Variants in KCNH1 observed in about 807,000 individuals in gnomAD.
KCNH1 encodes the protein voltage-gated delayed rectifier potassium channel KCNH1.
Under a neutral mutation model 69.2 loss-of-function variants are expected in KCNH1, and 27 were observed. The ratio of observed to expected loss-of-function variants is 0.39; its 90% CI spans 0.29 to 0.54. The LOEUF (loss-of-function observed/expected upper bound fraction) is 0.54, where lower values mean the gene tolerates loss of function less well. KCNH1 is among the 20% of genes least tolerant of loss of function. KCNH1 has a pLI of 0.68. For missense variants in KCNH1, 798 were observed against 1,261.6 expected (o/e 0.63, Z 5.57); for synonymous variants, 456 against 487.7 (o/e 0.93, Z 0.86).
chr1:210,898,968 C>T (rs1437444382), intron 7 of KCNH1, among the ~76,000 whole-genome samples: 1 of 152,088 alleles, frequency 6.6e-6, no homozygotes, highest in Non-Finnish European at 1.5e-5. Flanking sequence ...TCTAACAGTG[C>T]CTTCCAGGGT....
intron 6 of KCNH1, among the ~76,000 whole-genome samples, chr1:210,938,108 A>C (rs1388101012): frequency 6.6e-6 from 1 of 152,304 alleles, no homozygotes; most frequent in African/African-American, 2.4e-5. Context: ...TCTATCTCCT[A>C]ACCCCTAACT....
chr1:211,037,422 A>G (rs1010628049), intron 5 of KCNH1, among the ~76,000 whole-genome samples: 5 of 150,260 alleles, frequency 3.3e-5, no homozygotes, highest in African/African-American at 1.2e-4. Context: ...AAGGTAAACT[A>G]TTTGTTCACA....
intron 7 of KCNH1, among the ~76,000 whole-genome samples, chr1:210,849,343 G>A (rs996404552): frequency 4.0e-5 from 6 of 148,998 alleles, no homozygotes; most frequent in East Asian, 2.0e-4. Context: ...CTTTTTTTGC[G>A]TGTGTGTGCT....
At chr1:210,704,849 G>A (rs1332885732) in intron 10 of KCNH1, among the ~76,000 whole-genome samples, 1 of 152,156 alleles carries the variant, frequency 6.6e-6, no homozygotes, top group East Asian at 1.9e-4. Flanking sequence ...AGAGCAACTG[G>A]TCAATACCAT....
intron 10 of KCNH1, among the ~76,000 whole-genome samples, chr1:210,694,536 C>A (rs1325476954): frequency 6.6e-6 from 1 of 152,188 alleles, no homozygotes; most frequent in African/African-American, 2.4e-5. Context: ...GAGCCACAGC[C>A]TGTCCCCTAG....
intron 6 of KCNH1, among the ~76,000 whole-genome samples, chr1:210,929,525 C>T (rs1426853861): frequency 6.6e-6 from 1 of 152,098 alleles, no homozygotes; most frequent in Non-Finnish European, 1.5e-5. Context: ...AAGGAACACA[C>T]CTTAAGGTAA....
At chr1:211,118,786 C>T (rs1691632978) in intron 1 of KCNH1, among the ~76,000 whole-genome samples, 1 of 152,146 alleles carries the variant, frequency 6.6e-6, no homozygotes, top group South Asian at 2.1e-4. Flanking sequence ...TTAAAAATTG[C>T]TTTTCATCAA....
intron 6 of KCNH1, among the ~76,000 whole-genome samples, chr1:211,011,914 A>G (rs1689402990): frequency 6.6e-6 from 1 of 152,234 alleles, no homozygotes. Context: ...AGTTCTAGAC[A>G]ATGTTTCTAG....
chr1:210,875,179 T>G (rs1041416099), intron 7 of KCNH1, among the ~76,000 whole-genome samples: 44 of 152,172 alleles, frequency 2.9e-4, no homozygotes, highest in Non-Finnish European at 6.2e-4. Context: ...AAACCAAGAT[T>G]TAAAAAGCAA....
At chr1:210,726,415 C>A (rs970602701) in intron 10 of KCNH1, among the ~76,000 whole-genome samples, 6 of 152,198 alleles carry the variant, frequency 3.9e-5, no homozygotes, top group Non-Finnish European at 8.8e-5. Flanking sequence ...ACAGAAGGAA[C>A]CCTGCCAGGT....
intron 6 of KCNH1, among the ~76,000 whole-genome samples, chr1:210,986,611 C>T (rs1255324127): frequency 6.6e-6 from 1 of 152,118 alleles, no homozygotes; most frequent in Non-Finnish European, 1.5e-5. Flanking sequence ...GAATATCAGC[C>T]CCCACTCTCT....
chr1:210,714,948 AAAGGGACCAATCC>A (rs1370936834), intron 10 of KCNH1, among the ~76,000 whole-genome samples: 1 of 152,274 alleles, frequency 6.6e-6, no homozygotes, highest in Admixed American at 6.5e-5. Flanking sequence ...ATCTCCTCCC[AAAGGGACCAATCC>A]ATGGTGATGT....
intron 5 of KCNH1, among the ~76,000 whole-genome samples, chr1:211,021,008 C>G (rs1689578438): frequency 6.6e-6 from 1 of 152,066 alleles, no homozygotes; most frequent in Admixed American, 6.6e-5. Flanking sequence ...TTTGCAGCAA[C>G]CTGCATGAGA....
At chr1:211,016,734 C>T (rs987969615) in intron 6 of KCNH1, among the ~76,000 whole-genome samples, 2 of 151,500 alleles carry the variant, frequency 1.3e-5, no homozygotes, top group African/African-American at 4.9e-5. Flanking sequence ...CATGGTGAAA[C>T]CCCGTCTCTA....
chr1:210,954,528 A>G (rs1053029287), intron 6 of KCNH1, among the ~76,000 whole-genome samples: 10 of 152,230 alleles, frequency 6.6e-5, no homozygotes, highest in African/African-American at 2.2e-4. Flanking sequence ...CCAACAGTGT[A>G]AAAGCATTCC....
At chr1:211,000,325 C>G (rs975640058) in intron 6 of KCNH1, among the ~76,000 whole-genome samples, 2 of 152,154 alleles carry the variant, frequency 1.3e-5, no homozygotes, top group Admixed American at 1.3e-4. Context: ...TCTCAGGATA[C>G]AAAATCAATG....
intron 9 of KCNH1, among the ~76,000 whole-genome samples, chr1:210,784,936 A>G (rs1238740514): frequency 6.6e-6 from 1 of 152,128 alleles, no homozygotes; most frequent in African/African-American, 2.4e-5. Context: ...TTGTGTTACC[A>G]TCTCTCTCCA....
At chr1:210,995,948 G>A (rs1440153917) in intron 6 of KCNH1, among the ~76,000 whole-genome samples, 3 of 152,112 alleles carry the variant, frequency 2.0e-5, no homozygotes, top group Admixed American at 1.3e-4. Context: ...AAAGTATCTC[G>A]AGTAAAGGAA....
intron 7 of KCNH1, among the ~76,000 whole-genome samples, chr1:210,831,322 T>C (rs766767671): frequency 4.6e-5 from 7 of 152,186 alleles, no homozygotes; most frequent in Non-Finnish European, 8.8e-5. Flanking sequence ...ATTCAGAAAA[T>C]ATATTCCCAT....
Sources: gnomAD v4.1 joint callset for allele counts (sites outside exome capture counted in the v4.1 genomes callset) on GRCh38, gnomAD v4.1.1 for gene constraint, MANE v1.5 for transcripts, NCBI Gene and HGNC (gene_info 2026-07-23, HGNC 2026-07-21) for gene names.